The following ITGB3BP variants were observed in gnomAD, a reference collection of about 807,000 sequenced individuals.
The protein encoded by ITGB3BP is integrin subunit beta 3 binding protein.
A neutral mutation model predicts 29.1 loss-of-function variants in ITGB3BP; 27 were observed. The observed-to-expected ratio is 0.93, with a 90% CI of 0.68 to 1.28. ITGB3BP has a LOEUF of 1.28. Among genes scored for constraint, ITGB3BP ranks in the 50% most tolerant of loss-of-function variants. ITGB3BP has a pLI of 0.00. For missense variants in ITGB3BP, 192 were observed against 200.2 expected (o/e 0.96, Z 0.25); for synonymous variants, 61 against 61.4 (o/e 0.99, Z 0.03).
chr1:63,463,812 A>T (rs936072541), intron 4 of ITGB3BP, among the ~76,000 whole-genome samples: 3 of 152,194 alleles, frequency 2.0e-5, no homozygotes, highest in African/African-American at 7.2e-5. Context: ...TAAACCTAGA[A>T]CATGGAACTG....
intron 3 of ITGB3BP, among the ~76,000 whole-genome samples, chr1:63,484,210 T>C (rs1645487239): frequency 6.6e-6 from 1 of 152,194 alleles, no homozygotes; most frequent in Non-Finnish European, 1.5e-5. Flanking sequence ...AGCACTTACA[T>C]TGTATTAGGT....
At chr1:63,448,242 A>C (rs980456502) in intron 7 of ITGB3BP, among the ~76,000 whole-genome samples, 3 of 149,464 alleles carry the variant, frequency 2.0e-5, no homozygotes, top group Admixed American at 6.6e-5. Context: ...TGACGAGTTA[A>C]TGGGTGCAGC....
chr1:63,489,975 A>G (rs1645611452), intron 3 of ITGB3BP, 108 bp downstream of exon 3: 1 of 926,210 alleles, frequency 1.1e-6, no homozygotes, highest in Non-Finnish European at 1.6e-6. Context: ...TATTTGAGAG[A>G]AGAGAAAAAT....
At chr1:63,504,979 T>C (rs1328107782) in intron 2 of ITGB3BP, among the ~76,000 whole-genome samples, 1 of 152,190 alleles carries the variant, frequency 6.6e-6, no homozygotes, top group African/African-American at 2.4e-5. Flanking sequence ...TCTCTTTTTT[T>C]GCTGTGTCTC....
chr1:63,472,443 T>TCCCTCTCCCCCTCCCCCTCCCCTCTC, intron 4 of ITGB3BP, among the ~76,000 whole-genome samples: 1 of 90,366 alleles, frequency 1.1e-5, no homozygotes, highest in Non-Finnish European at 2.1e-5. Context: ...CCTCTCCCTC[T>TCCCTCTCCCCCTCCCCCTCCCCTCTC]CCCTCTCCCC....
intron 2 of ITGB3BP, among the ~76,000 whole-genome samples, chr1:63,499,175 T>G (rs1457983815): frequency 9.3e-6 from 1 of 107,736 alleles, no homozygotes; most frequent in South Asian, 3.1e-4. Flanking sequence ...TTTTTTTTTT[T>G]CTTGAGATGT....
chr1:63,526,338 G>C (rs1276064583), upstream of ITGB3BP, among the ~76,000 whole-genome samples: 1 of 151,934 alleles, frequency 6.6e-6, no homozygotes, highest in Non-Finnish European at 1.5e-5. Flanking sequence ...CAAATGATTT[G>C]GACATCTTTA....
At chr1:63,491,273 G>A (rs996113764) in intron 2 of ITGB3BP, among the ~76,000 whole-genome samples, 3 of 152,112 alleles carry the variant, frequency 2.0e-5, no homozygotes, top group Admixed American at 1.3e-4. Flanking sequence ...GTGTACTAAT[G>A]TGTACAAAGA....
chr1:63,515,823 C>T, intron 1 of ITGB3BP, among the ~76,000 whole-genome samples: 1 of 61,396 alleles, frequency 1.6e-5, no homozygotes, highest in Middle Eastern at 0.01. Context: ...AAGACTCCAA[C>T]TTAAAAAAAA....
intron 3 of ITGB3BP, among the ~76,000 whole-genome samples, chr1:63,485,362 C>G (rs79768770): frequency 1.3e-5 from 2 of 151,882 alleles, no homozygotes; most frequent in Admixed American, 6.6e-5. Flanking sequence ...TCTAAAACAT[C>G]GTAACTCTTA....
At chr1:63,480,178 CAA>C (rs1186951793) in intron 3 of ITGB3BP, among the ~76,000 whole-genome samples, 1 of 152,068 alleles carries the variant, frequency 6.6e-6, no homozygotes, top group Non-Finnish European at 1.5e-5. Flanking sequence ...ACAAGTTTCA[CAA>C]ATTGACAGAT....
intron 8 of ITGB3BP, chr1:63,442,657 T>A (rs570136224): frequency 5.6e-4 from 85 of 152,352 alleles, no homozygotes; most frequent in African/African-American, 1.9e-3. Flanking sequence ...GCCTGCCATG[T>A]TGGGGGTTAT....
intron 1 of ITGB3BP, among the ~76,000 whole-genome samples, chr1:63,520,789 A>T (rs1646427099): frequency 6.6e-6 from 1 of 152,168 alleles, no homozygotes; most frequent in South Asian, 2.1e-4. Context: ...GCATCTATTA[A>T]ACTGTATTTA....
chr1:63,464,470 G>A (rs1366113883), intron 4 of ITGB3BP, among the ~76,000 whole-genome samples: 2 of 152,050 alleles, frequency 1.3e-5, no homozygotes, highest in African/African-American at 4.8e-5. Context: ...GGGAAGTCAA[G>A]GAAAAACCTT....
intron 3 of ITGB3BP, among the ~76,000 whole-genome samples, chr1:63,483,297 T>C (rs1039479591): frequency 1.3e-5 from 2 of 152,336 alleles, no homozygotes; most frequent in Admixed American, 6.5e-5. Context: ...ATTAATATTA[T>C]TGATCTACAT....
At chr1:63,452,473 C>CAGTT (rs1346583030) in intron 7 of ITGB3BP, among the ~76,000 whole-genome samples, 1 of 152,148 alleles carries the variant, frequency 6.6e-6, no homozygotes, top group Non-Finnish European at 1.5e-5. Flanking sequence ...CACTGAAACC[C>CAGTT]AGTTACACAT....
intron 1 of ITGB3BP, among the ~76,000 whole-genome samples, chr1:63,514,245 CATTT>C (rs768759557): frequency 2.0e-5 from 3 of 152,176 alleles, no homozygotes; most frequent in Admixed American, 6.5e-5. Context: ...CTTAATAAGC[CATTT>C]ATTTGTTTTC....
intron 3 of ITGB3BP, among the ~76,000 whole-genome samples, chr1:63,481,975 T>C (rs1282331598): frequency 1.3e-5 from 2 of 152,098 alleles, no homozygotes; most frequent in Non-Finnish European, 2.9e-5. Context: ...GCAATGCTTA[T>C]TAATAGATTA....
At chr1:63,455,537 T>C (rs1020375190) in intron 4 of ITGB3BP, among the ~76,000 whole-genome samples, 1 of 152,092 alleles carries the variant, frequency 6.6e-6, no homozygotes, top group Non-Finnish European at 1.5e-5. Flanking sequence ...CTCAACCTCC[T>C]GGGTTCAATC....
Sources: gnomAD v4.1 joint callset for allele counts (sites outside exome capture counted in the v4.1 genomes callset) on GRCh38, gnomAD v4.1.1 for gene constraint, MANE v1.5 for transcripts, NCBI Gene and HGNC (gene_info 2026-07-23, HGNC 2026-07-21) for gene names.